PRKAR1B: variants seen among roughly 807,000 people sequenced by gnomAD.
PRKAR1B encodes the protein protein kinase cAMP-dependent type I regulatory subunit beta, also known as cAMP-dependent protein kinase type I-beta regulatory subunit.
In PRKAR1B, 22 loss-of-function variants were observed where a neutral mutation model predicts 46.5. The ratio of observed to expected loss-of-function variants is 0.47; its 90% CI spans 0.34 to 0.68. PRKAR1B has a LOEUF of 0.68. Ranked by LOEUF, PRKAR1B falls within the 30% of genes least tolerant of loss-of-function variation. The pLI, the probability that PRKAR1B is intolerant of heterozygous loss-of-function variation, is 0.01. For synonymous variants in PRKAR1B, 259 were observed against 217.7 expected, an observed-to-expected ratio of 1.19 and a Z score of -1.67; for missense variants, 445 against 535.6, an observed-to-expected ratio of 0.83 and a Z score of 1.67.
chr7:583,903 C>T (rs1257260177), intron 8 of PRKAR1B, among the ~76,000 whole-genome samples: 2 of 152,238 alleles, frequency 1.3e-5, no homozygotes, highest in African/African-American at 2.4e-5. Flanking sequence ...CCCCACTGGC[C>T]CAGCTGGCGC....
chr7:693,125 G>A (rs1779529494), intron 2 of PRKAR1B, among the ~76,000 whole-genome samples: 1 of 151,886 alleles, frequency 6.6e-6, no homozygotes, highest in South Asian at 2.1e-4. Flanking sequence ...ATTAGAGACA[G>A]GGTTTCCCCA....
intron 1 of PRKAR1B, 57 bp from the exon 2 acceptor site, chr7:711,584 G>A: frequency 6.8e-7 from 1 of 1,472,576 alleles, no homozygotes; most frequent in Non-Finnish European, 9.3e-7. Context: ...CTGCGCGCCG[G>A]ATAAACGCAG....
chr7:580,531 G>C (rs1465240817), intron 8 of PRKAR1B, among the ~76,000 whole-genome samples: 2 of 152,190 alleles, frequency 1.3e-5, no homozygotes, highest in African/African-American at 4.8e-5. Context: ...TTAAGGCACA[G>C]TATACGTTCT....
intron 8 of PRKAR1B, among the ~76,000 whole-genome samples, chr7:580,619 C>T (rs1468450799): frequency 6.6e-6 from 1 of 152,044 alleles, no homozygotes; most frequent in Admixed American, 6.6e-5. Flanking sequence ...TATCTTTCCG[C>T]CCTTCTCACA....
intron 2 of PRKAR1B, among the ~76,000 whole-genome samples, chr7:685,210 A>G (rs1279439667): frequency 1.4e-5 from 2 of 145,846 alleles, no homozygotes; most frequent in East Asian, 2.0e-4. Context: ...ATATACATAT[A>G]TATAACATGT....
At chr7:659,039 A>G (rs1785358254) in intron 4 of PRKAR1B, among the ~76,000 whole-genome samples, 1 of 152,120 alleles carries the variant, frequency 6.6e-6, no homozygotes, top group Admixed American at 6.6e-5. Flanking sequence ...GGCAAATAAA[A>G]ACCTCACACA....
intron 9 of PRKAR1B, among the ~76,000 whole-genome samples, chr7:570,447 G>A (rs1331309186): frequency 2.6e-5 from 4 of 151,742 alleles, no homozygotes; most frequent in Non-Finnish European, 2.9e-5. Context: ...ACCCTCCCGC[G>A]CTCCTGTGTC....
chr7:631,910 T>C (rs2128479744), intron 4 of PRKAR1B, among the ~76,000 whole-genome samples: 1 of 151,664 alleles, frequency 6.6e-6, no homozygotes, highest in South Asian at 2.1e-4. Flanking sequence ...AGAGCTGTGA[T>C]GGCACCACTG....
At chr7:614,328 C>T (rs571140834) in intron 4 of PRKAR1B, among the ~76,000 whole-genome samples, 2 of 152,356 alleles carry the variant, frequency 1.3e-5, no homozygotes, top group South Asian at 2.1e-4. Flanking sequence ...AGACCCAGGT[C>T]TTCTGACAAA....
chr7:692,168 G>A (rs1779466823), intron 2 of PRKAR1B, among the ~76,000 whole-genome samples: 1 of 152,228 alleles, frequency 6.6e-6, no homozygotes, highest in South Asian at 2.1e-4. Context: ...GGGAGGCCAA[G>A]GCAGGCAGAT....
At chr7:677,081 G>A in intron 4 of PRKAR1B, 148 bp downstream of exon 4, 3 of 762,598 alleles carry the variant, frequency 3.9e-6, no homozygotes, top group South Asian at 3.2e-5. Context: ...GAAGGCAGCT[G>A]TGATTCCCAG....
At chr7:691,709 C>G (rs931761561) in intron 2 of PRKAR1B, 1 of 1,259,574 alleles carries the variant, frequency 7.9e-7, no homozygotes, top group Non-Finnish European at 1.0e-6. Flanking sequence ...AGCAGCTCCT[C>G]GTGGACAAAA....
intron 6 of PRKAR1B, among the ~76,000 whole-genome samples, chr7:601,172 C>T (rs964906034): frequency 3.9e-5 from 6 of 152,206 alleles, no homozygotes; most frequent in African/African-American, 1.4e-4. Flanking sequence ...TAAATACCCA[C>T]GGCAAACGGC....
intron 6 of PRKAR1B, among the ~76,000 whole-genome samples, chr7:601,258 G>A (rs778059211): frequency 6.6e-6 from 1 of 152,186 alleles, no homozygotes; most frequent in Non-Finnish European, 1.5e-5. Context: ...CTGGGTAGCC[G>A]TAGTCCTGCA....
chr7:597,758 G>A (rs770802172), intron 6 of PRKAR1B, among the ~76,000 whole-genome samples: 5 of 152,232 alleles, frequency 3.3e-5, no homozygotes, highest in Admixed American at 2.0e-4. Flanking sequence ...GGCACAGCCT[G>A]GCCTGCGGGC....
chr7:561,005 T>C (rs548687634), intron 9 of PRKAR1B, among the ~76,000 whole-genome samples: 2 of 152,154 alleles, frequency 1.3e-5, no homozygotes, highest in Non-Finnish European at 2.9e-5. Flanking sequence ...AGCAGAATCC[T>C]ATACATACAC....
chr7:618,459 G>A (rs138015575), intron 4 of PRKAR1B, among the ~76,000 whole-genome samples: 1 of 152,280 alleles, frequency 6.6e-6, no homozygotes, highest in Non-Finnish European at 1.5e-5. Flanking sequence ...TCGTTTGTAT[G>A]TTTTCTCTTA....
intron 4 of PRKAR1B, among the ~76,000 whole-genome samples, chr7:641,446 C>G (rs1235916737): frequency 1.3e-5 from 2 of 152,166 alleles, no homozygotes; most frequent in African/African-American, 4.8e-5. Context: ...CAGCAAACAA[C>G]CCAGATGACG....
At chr7:670,873 C>T (rs1468930052) in intron 4 of PRKAR1B, among the ~76,000 whole-genome samples, 2 of 152,178 alleles carry the variant, frequency 1.3e-5, no homozygotes, top group Non-Finnish European at 2.9e-5. Context: ...CTCCCCCATG[C>T]CACGGCGTCA....
Sources: gnomAD v4.1 joint callset for allele counts (sites outside exome capture counted in the v4.1 genomes callset) on GRCh38, gnomAD v4.1.1 for gene constraint, MANE v1.5 for transcripts, NCBI Gene and HGNC (gene_info 2026-07-23, HGNC 2026-07-21) for gene names.